The following SSB variants were observed in gnomAD, a reference collection of about 807,000 sequenced individuals.
SSB encodes the protein lupus La protein.
A neutral mutation model predicts 52.9 loss-of-function variants in SSB; 17 were observed. The observed-to-expected ratio is 0.32, with a 90% CI of 0.22 to 0.48. SSB has a LOEUF of 0.48. SSB is among the 20% of genes least tolerant of loss of function. The pLI is 0.99. For missense variants in SSB, 314 were observed against 463.6 expected (o/e 0.68, Z 2.96); for synonymous variants, 111 against 152.1 (o/e 0.73, Z 1.99).
At chr2:169,800,223 TTG>T (rs1689678837) in intron 1 of SSB, among the ~76,000 whole-genome samples, 1 of 152,246 alleles carries the variant, frequency 6.6e-6, no homozygotes, top group Non-Finnish European at 1.5e-5. Flanking sequence ...GGTAAGTCAG[TTG>T]TGACTACATT....
chr2:169,810,807 T>G (rs781459696), intron 9 of SSB, 51 bp from the exon 10 acceptor site: 1 of 1,530,020 alleles, frequency 6.5e-7, no homozygotes, highest in Non-Finnish European at 8.8e-7. Flanking sequence ...AGAAATTAAT[T>G]GTGGGACTAA....
At position 169,807,033 on chromosome 2, in the gene SSB, C is replaced by T; in HGVS notation, c.516C>T (p.Gly172=). The T allele has an allele frequency of 6.2e-7, 1 of 1,613,928 alleles. No individual in the cohort carries two copies. The highest frequency in any genetic ancestry group is 8.5e-7 in the Non-Finnish European group (1 of 1,179,930). The change falls in exon 6 of 12, where the codon GGC becomes GGT. Residue 172 remains glycine (G), a synonymous_variant. Coordinates refer to ENST00000260956, the MANE Select transcript of SSB (RefSeq NM_003142.5). Reference sequence around the variant, plus strand: ...CTAAGAAATTTGTAGAGACCCCTGGCCAGAAGTACAAAGAAACAGACCTGC... The same window carrying T: ...CTAAGAAATTTGTAGAGACCCCTGGTCAGAAGTACAAAGAAACAGACCTGC... The part of the protein sequence containing the change: ...ESAKKFVETP[G]QKYKETDLLI...
chr2:169,811,394 G>C (rs1162775317), intron 11 of SSB, 71 bp downstream of exon 11: 10 of 1,466,264 alleles, frequency 6.8e-6, no homozygotes, highest in Non-Finnish European at 8.1e-6. Context: ...TGATTTGCCA[G>C]AGAGAATAGG....
intron 8 of SSB, 184 bp from the exon 9 acceptor site, chr2:169,810,099 T>A: frequency 2.9e-6 from 1 of 347,676 alleles, no homozygotes; most frequent in Admixed American, 4.6e-5. Context: ...CTACTTTATT[T>A]ATTTATTATT....
intron 3 of SSB, 34 bp downstream of exon 3, chr2:169,805,611 CT>C: frequency 6.2e-7 from 1 of 1,611,928 alleles, no homozygotes; most frequent in South Asian, 1.1e-5. Flanking sequence ...TTTAGGTTTT[CT>C]GTTTACAATG....
intron 4 of SSB, chr2:169,806,262 G>A (rs1310716929): frequency 1.0e-5 from 2 of 198,752 alleles, no homozygotes; most frequent in Non-Finnish European, 2.1e-5. Flanking sequence ...ACCATGCCTA[G>A]TCCTAAGTTT....
At chr2:169,806,087 C>A in intron 4 of SSB, 1 of 477,498 alleles carries the variant, frequency 2.1e-6, no homozygotes, top group Admixed American at 3.0e-5. Flanking sequence ...CCTCCCACCT[C>A]AGCCTCCTGA....
intron 8 of SSB, 177 bp from the exon 9 acceptor site, chr2:169,810,106 T>C (rs1429406214): frequency 1.4e-5 from 5 of 357,076 alleles, no homozygotes; most frequent in Non-Finnish European, 2.0e-5. Flanking sequence ...ATTTATTTAT[T>C]ATTATTATTA....
intron 6 of SSB, 66 bp from the exon 7 acceptor site, chr2:169,808,416 T>C (rs773554009): frequency 7.8e-6 from 10 of 1,289,194 alleles, no homozygotes; most frequent in Non-Finnish European, 1.0e-5. Flanking sequence ...TCTTAAGTTA[T>C]TCAAAATAAT....
chr2:169,807,879 T>C (rs1689860972), intron 6 of SSB, among the ~76,000 whole-genome samples: 1 of 151,846 alleles, frequency 6.6e-6, no homozygotes, highest in Non-Finnish European at 1.5e-5. Flanking sequence ...AGGGCCATAG[T>C]TCCCTACTTT....
intron 2 of SSB, among the ~76,000 whole-genome samples, chr2:169,802,216 G>C (rs1376217497): frequency 1.3e-5 from 2 of 152,032 alleles, no homozygotes; most frequent in Non-Finnish European, 2.9e-5. Context: ...GAGAGTCTTC[G>C]TGAGCATACT....
At chr2:169,808,122 T>C (rs187573485) in intron 6 of SSB, among the ~76,000 whole-genome samples, 7 of 152,298 alleles carry the variant, frequency 4.6e-5, no homozygotes, top group Non-Finnish European at 1.0e-4. Flanking sequence ...TCCCTATACA[T>C]GAATGATAAA....
chr2:169,804,318 C>T (rs1360827838), intron 2 of SSB, among the ~76,000 whole-genome samples: 1 of 145,536 alleles, frequency 6.9e-6, no homozygotes, highest in African/African-American at 2.5e-5. Flanking sequence ...AATTATGCCT[C>T]ACTGCAGCTT....
chr2:169,805,097 TC>T (rs934040595), intron 2 of SSB, among the ~76,000 whole-genome samples: 1 of 152,000 alleles, frequency 6.6e-6, no homozygotes, highest in Non-Finnish European at 1.5e-5. Flanking sequence ...GCCACTGCAC[TC>T]CAGCCTGAGC....
chr2:169,802,147 G>A (rs1689725676), intron 2 of SSB, among the ~76,000 whole-genome samples: 1 of 152,124 alleles, frequency 6.6e-6, no homozygotes, highest in African/African-American at 2.4e-5. Flanking sequence ...TCATACCACT[G>A]CACTCCAGCC....
intron 11 of SSB, 61 bp downstream of exon 11, chr2:169,811,384 T>C: frequency 6.8e-7 from 1 of 1,480,548 alleles, no homozygotes; most frequent in Non-Finnish European, 8.9e-7. Context: ...CATAAATAAA[T>C]GATTTGCCAG....
chr2:169,811,429 A>G, intron 11 of SSB, 106 bp downstream of exon 11: 1 of 1,364,040 alleles, frequency 7.3e-7, no homozygotes, highest in Non-Finnish European at 9.8e-7. Context: ...ACTCCTGGAT[A>G]AGTGCCATTC....
At chr2:169,809,945 G>A (rs2105704152) in intron 8 of SSB, 2 of 155,244 alleles carry the variant, frequency 1.3e-5, no homozygotes, top group African/African-American at 4.8e-5. Flanking sequence ...GATAAATACT[G>A]CCTAGAATTA....
In SSB at chr2:169,805,644, G is replaced by A; in HGVS notation, c.171-21G>A. The A allele has an allele frequency of 2.5e-6, 4 of 1,612,896 alleles. No individual in the cohort carries two copies. The South Asian group carries it at 4.4e-5, about 18-fold the overall frequency. ...AATGAGTGCTACTGCTGAGTCTTAT[G>A]TTTTTATATGTACTCTTCAGGTTGA... On this transcript the variant is annotated intron_variant, in intron 3 of 11. Transcript: ENST00000260956.
Sources: allele counts gnomAD v4.1 joint callset (sites outside exome capture counted in the v4.1 genomes callset), GRCh38; gene constraint gnomAD v4.1.1; transcripts MANE v1.5; gene names NCBI Gene and HGNC (gene_info 2026-07-23, HGNC 2026-07-21).